IRGM: variants seen among roughly 807,000 people sequenced by gnomAD.
IRGM encodes immunity related GTPase M.
For missense variants in IRGM, 288 were observed against 219.9 expected, an observed-to-expected ratio of 1.31 and a Z score of -1.96; for synonymous variants, 98 against 80.6, an observed-to-expected ratio of 1.22 and a Z score of -1.16.
chr5:150,880,370 A>G (rs1192344868), intron 3 of IRGM, among the ~76,000 whole-genome samples: 1 of 152,222 alleles, frequency 6.6e-6, no homozygotes, highest in Non-Finnish European at 1.5e-5. Context: ...GTAGAAATTT[A>G]TGCTTAAACC....
At chr5:150,895,195 C>T (rs540107220) in intron 3 of IRGM, 11 of 428,452 alleles carry the variant, frequency 2.6e-5, no homozygotes, top group African/African-American at 2.2e-4. Context: ...GTGCTGATCA[C>T]TGAGTTCATA....
Position 150,848,433 on chromosome 5 carries a change from T to A in IRGM, c.310T>A (p.Tyr104Asn). 1 of 1,551,870 alleles carries A rather than the reference T, an allele frequency of 6.4e-7. No individual in the cohort carries two copies. Among genetic ancestry groups the A allele is most frequent in the Non-Finnish European group, 8.7e-7 (1 of 1,146,976 alleles). The change falls in exon 2 of 2, where the codon TAC becomes AAC. Residue 104 changes from tyrosine to asparagine, a missense_variant. Tyr to Asn is a moderately radical substitution (Grantham distance 143). Coordinates refer to ENST00000522154, the MANE Select transcript of IRGM (RefSeq NM_001145805.2). ...TGSATTTLEN[Y>N]LMEMQFNRYD... ...GTCTGCCACCACAACCCTGGAGAAC[T>A]ACCTGATGGAAATGCAGTTCAACCG...
At position 150,848,121 on chromosome 5, in the gene IRGM, A is replaced by C. The variant is rs1753905634; in HGVS notation, c.-3A>C. 6.5e-7 allele frequency: 1 copy of C among 1,537,272 alleles called. No individual in the cohort carries two copies. Among genetic ancestry groups the C allele is most frequent in the African/African-American group, 1.4e-5 (1 of 72,536 alleles). On this transcript the variant is annotated 5_prime_UTR_variant, in exon 2 of 2. Coordinates refer to ENST00000522154, the MANE Select transcript of IRGM (RefSeq NM_001145805.2). ...TGGCCAGCATTGGGGTATTTTATTG[A>C]AGATGGAAGCCATGAATGTTGAGAA...
chr5:150,857,156 C>G (rs1754069930), intron 1 of IRGM, among the ~76,000 whole-genome samples: 1 of 151,882 alleles, frequency 6.6e-6, no homozygotes, highest in Non-Finnish European at 1.5e-5. Context: ...TGTTCATTTC[C>G]CACCTATGAG....
chr5:150,861,536 A>G (rs947450659), intron 1 of IRGM, among the ~76,000 whole-genome samples: 4 of 152,204 alleles, frequency 2.6e-5, no homozygotes, highest in Non-Finnish European at 5.9e-5. Flanking sequence ...AGAGATTACC[A>G]CCAGCTTTCA....
In IRGM at chr5:150,848,163, A is replaced by T; in HGVS notation, c.40A>T (p.Asn14Tyr). ...MNVEKASADG[N>Y]LPEVISNIKE... ...TGTTGAGAAAGCCTCAGCAGATGGG[A>T]ACTTGCCAGAGGTGATCTCTAACAT... Residue 14 changes from asparagine to tyrosine, a missense_variant, in exon 2 of 2, where the codon AAC (asparagine) becomes TAC (tyrosine). Transcript: ENST00000522154. The T allele has an allele frequency of 1.3e-6, 2 of 1,550,924 alleles. No homozygotes were observed. Among genetic ancestry groups the T allele is most frequent in the Non-Finnish European group, 1.7e-6 (2 of 1,146,404 alleles).
chr5:150,851,754 G>A (rs1753979599), downstream of IRGM, among the ~76,000 whole-genome samples: 1 of 152,186 alleles, frequency 6.6e-6, no homozygotes. Context: ...GTATTTACAA[G>A]CAGGAAGATT....
intron 3 of IRGM, among the ~76,000 whole-genome samples, chr5:150,883,102 C>T (rs951090818): frequency 6.6e-6 from 1 of 151,932 alleles, no homozygotes. Flanking sequence ...AATTAAACAG[C>T]ATGCTAACAA....
downstream of IRGM, among the ~76,000 whole-genome samples, chr5:150,852,967 GT>G (rs1401013945): frequency 6.6e-6 from 1 of 151,888 alleles, no homozygotes; most frequent in Admixed American, 6.6e-5. Context: ...CATATCTTTT[GT>G]TATTTTATTT....
intron 1 of IRGM, chr5:150,877,927 G>T: frequency 4.8e-5 from 21 of 434,682 alleles, no homozygotes; most frequent in Admixed American, 2.5e-4. Flanking sequence ...TTTTTTGTTT[G>T]CATGTTTAAA....
At chr5:150,895,907 T>C in intron 3 of IRGM, 1 of 1,613,660 alleles carries the variant, frequency 6.2e-7, no homozygotes, top group South Asian at 1.1e-5. Context: ...TGCTGAAGGC[T>C]TCCTCACATT....
At chr5:150,901,071 A>C (rs1754980049), downstream of IRGM, among the ~76,000 whole-genome samples, 1 of 152,044 alleles carries the variant, frequency 6.6e-6, no homozygotes, top group South Asian at 2.1e-4. Context: ...TAAAGGCTGA[A>C]AAGGAGGATA....
At chr5:150,882,821 A>T (rs981763504) in intron 3 of IRGM, among the ~76,000 whole-genome samples, 3 of 152,200 alleles carry the variant, frequency 2.0e-5, no homozygotes, top group Non-Finnish European at 4.4e-5. Flanking sequence ...TCCAGACAGA[A>T]AATCAATAAG....
In IRGM at chr5:150,847,257, A is replaced by ATT. The variant is rs1459274861; in HGVS notation, c.-416+37_-416+38insTT. On this transcript the variant is annotated intron_variant, in intron 1 of 1. Transcript: ENST00000522154. ...ACAGGGATGATCACAGCTTCAAGTA[A>ATT]GCAATGGGAATTGGATGTTTTATGT... The ATT allele has an allele frequency of 3.9e-5, 6 of 152,550 alleles. No homozygotes were observed. The East Asian group carries it at 1.1e-3, about 29-fold the overall frequency. The allele number at this position is 152,550 out of a possible 1,614,324, so 9.4% of individuals were successfully genotyped here. A position where few individuals can be genotyped will look rare whatever the true frequency, so the allele number is the denominator to read the frequency against.
rs549523714 is a variant in IRGM, at chr5:150,873,557, T to TA, written c.159-4419dup. Among the ~76,000 whole-genome samples, 143 of 152,324 alleles carry TA rather than the reference T, an allele frequency of 9.4e-4. 1 individual carries two copies. Among genetic ancestry groups the TA allele is most frequent in the African/African-American group, 3.3e-3 (137 of 41,576 alleles). On this transcript the variant is annotated intron_variant and NMD_transcript_variant, in intron 1 of 3. Coordinates refer to the IRGM transcript ENST00000520549. The stretch of plus-strand genomic sequence containing the variant: ...TGAGCTGACACTGATTTCAGGGACC[T>TA]AAAACATCATTGTGGCCTTCCAGTA...
At chr5:150,898,658 G>A (rs1382884036) in intron 3 of IRGM, 3 of 1,318,806 alleles carry the variant, frequency 2.3e-6, no homozygotes, top group Admixed American at 5.1e-5. Flanking sequence ...TAGTTTTTGG[G>A]AAAAACAAAA....
At chr5:150,850,315 T>C (rs1753956210), downstream of IRGM, among the ~76,000 whole-genome samples, 1 of 152,226 alleles carries the variant, frequency 6.6e-6, no homozygotes, top group Non-Finnish European at 1.5e-5. Flanking sequence ...TTCTATTTCC[T>C]AATAATAAGA....
intron 1 of IRGM, among the ~76,000 whole-genome samples, chr5:150,858,281 C>G (rs946776628): frequency 9.9e-5 from 15 of 152,040 alleles, no homozygotes; most frequent in Non-Finnish European, 2.9e-5. Context: ...TTCCATTGGT[C>G]TATATCTCTG....
downstream of IRGM, among the ~76,000 whole-genome samples, chr5:150,852,749 C>A (rs891010256): frequency 6.6e-6 from 1 of 151,898 alleles, no homozygotes; most frequent in Admixed American, 6.6e-5. Context: ...AAGAATGTAC[C>A]CTTTTTCATT....
Sources: gnomAD v4.1 joint callset for allele counts (sites outside exome capture counted in the v4.1 genomes callset) on GRCh38, gnomAD v4.1.1 for gene constraint, MANE v1.5 for transcripts, NCBI Gene and HGNC (gene_info 2026-07-23, HGNC 2026-07-21) for gene names.